Variants in GRID1 observed in about 807,000 individuals in gnomAD.
GRID1 encodes the protein glutamate ionotropic receptor delta type subunit 1.
Under a neutral mutation model 98.0 loss-of-function variants are expected in GRID1, and 28 were observed. That is an observed-to-expected ratio of 0.29 (90% CI 0.21 to 0.39). The LOEUF is 0.39. Among genes scored for constraint, GRID1 ranks in the 10% least tolerant of loss-of-function variants. The pLI is 1.00. For missense variants in GRID1, 1,111 were observed against 1,340.5 expected (o/e 0.83, Z 2.67); for synonymous variants, 553 against 538.5 (o/e 1.03, Z -0.37).
intron 8 of GRID1, among the ~76,000 whole-genome samples, chr10:85,818,874 C>T (rs1212438683): frequency 6.6e-6 from 1 of 152,026 alleles, no homozygotes; most frequent in African/African-American, 2.4e-5. Flanking sequence ...CATGCCACCA[C>T]ACCTGGATAA....
chr10:86,345,983 C>A (rs770394222), intron 2 of GRID1, among the ~76,000 whole-genome samples: 18 of 152,244 alleles, frequency 1.2e-4, no homozygotes, highest in Non-Finnish European at 2.2e-4. Flanking sequence ...TCAGAAGTCA[C>A]TTCTTCCAGG....
intron 3 of GRID1, among the ~76,000 whole-genome samples, chr10:86,205,093 T>G (rs192538698): frequency 1.6e-4 from 24 of 152,370 alleles, no homozygotes; most frequent in Non-Finnish European, 2.2e-4. Context: ...AGTGACTGTT[T>G]GCTCTTTCAA....
intron 15 of GRID1, among the ~76,000 whole-genome samples, chr10:85,607,867 G>C (rs1453634554): frequency 1.4e-5 from 2 of 146,916 alleles, no homozygotes; most frequent in African/African-American, 2.5e-5. Flanking sequence ...ACCCAGGCTA[G>C]AGTGCAGTGG....
intron 3 of GRID1, among the ~76,000 whole-genome samples, chr10:86,149,982 T>C (rs1845140577): frequency 1.3e-5 from 2 of 152,256 alleles, no homozygotes; most frequent in Non-Finnish European, 2.9e-5. Context: ...GAATCCATAA[T>C]ATGCTAATGA....
intron 8 of GRID1, among the ~76,000 whole-genome samples, chr10:85,772,970 T>G (rs1202640566): frequency 6.6e-6 from 1 of 152,194 alleles, no homozygotes; most frequent in African/African-American, 2.4e-5. Context: ...CTAACTCATT[T>G]TATGAGGCCA....
At chr10:86,051,308 CAA>C (rs374035221) in intron 4 of GRID1, among the ~76,000 whole-genome samples, 4 of 104,438 alleles carry the variant, frequency 3.8e-5, no homozygotes, top group Non-Finnish European at 4.2e-5. Context: ...AATTATATAC[CAA>C]AAAAAAAAAA....
intron 8 of GRID1, among the ~76,000 whole-genome samples, chr10:85,743,112 C>G (rs964817046): frequency 7.6e-6 from 1 of 131,940 alleles, no homozygotes; most frequent in Non-Finnish European, 1.7e-5. Context: ...GCAGCCCCCC[C>G]CCCCACCACC....
chr10:86,056,606 G>T (rs960455221), intron 4 of GRID1, among the ~76,000 whole-genome samples: 17 of 152,192 alleles, frequency 1.1e-4, no homozygotes, highest in African/African-American at 4.1e-4. Context: ...ACAGACAGAT[G>T]GTAGGACCTG....
intron 8 of GRID1, among the ~76,000 whole-genome samples, chr10:85,807,306 C>T (rs752244324): frequency 1.3e-4 from 20 of 151,120 alleles, no homozygotes; most frequent in Non-Finnish European, 2.5e-4. Context: ...GCTGAGATCA[C>T]GCCACTGCAC....
intron 8 of GRID1, among the ~76,000 whole-genome samples, chr10:85,844,227 T>A (rs1564607623): frequency 2.0e-5 from 3 of 152,106 alleles, no homozygotes; most frequent in African/African-American, 7.2e-5. Context: ...GACAAAATTT[T>A]AGAAATGTAG....
intron 4 of GRID1, among the ~76,000 whole-genome samples, chr10:85,944,087 C>T (rs1008666343): frequency 6.6e-6 from 1 of 152,238 alleles, no homozygotes; most frequent in African/African-American, 2.4e-5. Context: ...CCCTAGCCAA[C>T]AGCCACCCAA....
intron 12 of GRID1, among the ~76,000 whole-genome samples, chr10:85,677,014 G>T (rs960486672): frequency 1.3e-5 from 2 of 152,120 alleles, no homozygotes; most frequent in African/African-American, 4.8e-5. Flanking sequence ...GATGAGCTGA[G>T]AAATTAATTT....
chr10:85,781,308 T>C (rs1842378998), intron 8 of GRID1, among the ~76,000 whole-genome samples: 1 of 152,212 alleles, frequency 6.6e-6, no homozygotes, highest in African/African-American at 2.4e-5. Flanking sequence ...ATAATATCAT[T>C]TGGGGAAGAA....
rs192939868 is a variant in GRID1 at position 86,109,068 on chromosome 10, T to G, written c.726+29751A>C. ...TTCCACCTTCCCTTCATCGACCTTT[T>G]CTTCTGTTCTCCTGACCCTTTTTTA... On this transcript the variant is annotated intron_variant, in intron 4 of 15. Transcript: ENST00000327946. Among the ~76,000 whole-genome samples the G allele has an allele frequency of 2.0e-5, 3 of 152,320 alleles. No homozygotes were observed. In the East Asian group the frequency reaches 5.8e-4, roughly 29 times the overall value.
chr10:85,856,214 C>A lies in GRID1; in HGVS notation c.952-24G>T. On this transcript the variant is annotated intron_variant, in intron 6 of 15. Coordinates refer to ENST00000327946, the MANE Select transcript of GRID1 (RefSeq NM_017551.3). ...ATCTGCAAAGACAGAGGCAGTGAAA[C>A]CCTTTCCACAGGTGCATTTCTAGAG... 1.9e-6 allele frequency: 3 copies of A among 1,610,722 alleles called. No homozygotes were observed. The South Asian group carries it at 3.3e-5, about 18-fold the overall frequency.
intron 5 of GRID1, among the ~76,000 whole-genome samples, chr10:85,905,543 T>A (rs1202286909): frequency 6.6e-6 from 1 of 152,156 alleles, no homozygotes; most frequent in Non-Finnish European, 1.5e-5. Context: ...TTAATAAACA[T>A]AATAACTATG....
At chr10:86,259,101 C>T (rs138129043) in intron 2 of GRID1, among the ~76,000 whole-genome samples, 13 of 152,358 alleles carry the variant, frequency 8.5e-5, no homozygotes, top group Admixed American at 2.0e-4. Context: ...AAGGTGGGCG[C>T]TGATGGCTGG....
chr10:85,858,464 C>T (rs1843134761), intron 6 of GRID1, among the ~76,000 whole-genome samples: 1 of 152,164 alleles, frequency 6.6e-6, no homozygotes, highest in Admixed American at 6.5e-5. Flanking sequence ...CCTAGAGGAG[C>T]ATTTCCTCAA....
At chr10:86,243,016 C>T (rs183460897) in intron 2 of GRID1, among the ~76,000 whole-genome samples, 2 of 152,302 alleles carry the variant, frequency 1.3e-5, no homozygotes, top group Admixed American at 6.5e-5. Flanking sequence ...TCAGCTTCCT[C>T]GCCTGTAAAA....
Sources: allele counts gnomAD v4.1 joint callset (sites outside exome capture counted in the v4.1 genomes callset), GRCh38; gene constraint gnomAD v4.1.1; transcripts MANE v1.5; gene names NCBI Gene and HGNC (gene_info 2026-07-23, HGNC 2026-07-21).